The following USP9Y variants were observed in gnomAD, a reference collection of about 807,000 sequenced individuals.
The protein encoded by USP9Y is ubiquitin specific peptidase 9 Y-linked.
Under a neutral mutation model 53.1 loss-of-function variants are expected in USP9Y, and 41 were observed. That is an observed-to-expected ratio of 0.77 (90% CI 0.60 to 1.00). The LOEUF is 1.00. Ranked by LOEUF, USP9Y falls within the 50% of genes least tolerant of loss-of-function variation. The pLI, the probability that USP9Y is intolerant of heterozygous loss-of-function variation, is 0.00. For synonymous variants in USP9Y, 220 were observed against 173.7 expected (o/e 1.27, Z -2.09); for missense variants, 567 against 535.8 (o/e 1.06, Z -0.58).
intron 27 of USP9Y, among the ~76,000 whole-genome samples, chrY:12,796,007 A>G (rs2053512465): frequency 3.0e-5 from 1 of 33,629 alleles, no homozygotes; most frequent in Non-Finnish European, 7.4e-5. Context: ...AGTTTTTCAT[A>G]TACGGCCTTT....
intron 12 of USP9Y, among the ~76,000 whole-genome samples, chrY:12,743,168 A>T (rs2053458013): frequency 3.4e-5 from 1 of 29,781 alleles, no homozygotes; most frequent in East Asian, 8.6e-4. Flanking sequence ...GTATTTTGGA[A>T]TTTTTTTTTT....
chrY:12,801,500 A>G, intron 27 of USP9Y, among the ~76,000 whole-genome samples: 1 of 34,031 alleles, frequency 2.9e-5, no homozygotes, highest in Non-Finnish European at 7.3e-5. Flanking sequence ...TCATAAAGAC[A>G]AAGGCAGTAT....
At position 12,709,556 on chromosome Y, in the gene USP9Y, C is replaced by T. The variant is rs1569386799; in HGVS notation, c.96+13C>T. ...CCAACAGAACCAGGTAGGAGTAAGA[C>T]TGTGTTGTTTTGAGTACTGTGAAAT... On this transcript the variant is annotated intron_variant, in intron 3 of 45. Transcript: ENST00000338981. The T allele has an allele frequency of 5.4e-6, 2 of 373,517 alleles. No homozygotes were observed. The highest frequency in any genetic ancestry group is 9.3e-5 in the East Asian group (1 of 10,724). 93.2% of individuals were successfully genotyped at this position (373,517 alleles called of 400,897 possible).
chrY:12,725,143 G>T lies in USP9Y; in HGVS notation c.356G>T (p.Arg119Leu). 2 of 396,708 alleles carry T rather than the reference G, an allele frequency of 5.0e-6. No homozygotes were observed. Among genetic ancestry groups the T allele is most frequent in the Non-Finnish European group, 7.1e-6 (2 of 282,344 alleles). The change falls in exon 6 of 46, where the codon CGT becomes CTT. Residue 119 changes from arginine to leucine, a missense_variant. Arg to Leu is a moderately radical substitution (Grantham distance 102). Transcript: ENST00000338981. ...GLDVKSEACQ[R>L]FFRDGLTISF... is the part of the protein sequence containing the mutation. Reference sequence around the variant, plus strand: ...GATGTTAAAAGTGAAGCATGCCAACGTTTTTTTCGAGATGGACTAACAATA... The same window carrying T: ...GATGTTAAAAGTGAAGCATGCCAACTTTTTTTTCGAGATGGACTAACAATA...
At chrY:12,852,074 G>T (rs2053571602) in intron 42 of USP9Y, among the ~76,000 whole-genome samples, 1 of 32,922 alleles carries the variant, frequency 3.0e-5, no homozygotes, top group African/African-American at 1.2e-4. Flanking sequence ...GGACTTGCTC[G>T]GTTGGCAAAG....
In USP9Y at chrY:12,833,658, A is replaced by T. The variant is rs761335858; in HGVS notation, c.5022-30A>T. On this transcript the variant is annotated intron_variant, in intron 33 of 45. Coordinates refer to ENST00000338981, the MANE Select transcript of USP9Y (RefSeq NM_004654.4). ...TATGGATATTCTAGGCATGTATTAC[A>T]TAACTCATTTTGTTTCCTTTCCTTC... The T allele has an allele frequency of 9.6e-5, 37 of 384,177 alleles. No individual in the cohort carries two copies. The Admixed American group carries it at 2.8e-3, about 29-fold the overall frequency.
intron 27 of USP9Y, 145 bp downstream of exon 27, chrY:12,793,346 A>AT: frequency 6.4e-6 from 1 of 156,155 alleles, no homozygotes; most frequent in South Asian, 5.6e-5. Context: ...GTGTAGAAGC[A>AT]TTTTTTTAAA....
At chrY:12,738,583 C>A in intron 11 of USP9Y, among the ~76,000 whole-genome samples, 2 of 32,122 alleles carry the variant, frequency 6.2e-5, no homozygotes, top group East Asian at 1.6e-3. Flanking sequence ...GCTCTCCCTC[C>A]CAGACTCGGG....
intron 42 of USP9Y, among the ~76,000 whole-genome samples, chrY:12,851,414 G>A (rs2148293099): frequency 3.4e-5 from 1 of 29,456 alleles, no homozygotes; most frequent in African/African-American, 1.3e-4. Context: ...GTGTGTCTTT[G>A]CACATGAGAT....
At chrY:12,783,937 T>G in intron 22 of USP9Y, among the ~76,000 whole-genome samples, 3 of 33,722 alleles carry the variant, frequency 8.9e-5, no homozygotes, top group Non-Finnish European at 2.2e-4. Flanking sequence ...TACCAATTAT[T>G]TATCTTCTCT....
intron 15 of USP9Y, among the ~76,000 whole-genome samples, chrY:12,763,661 T>TG (rs2053477566): frequency 8.2e-5 from 2 of 24,495 alleles, no homozygotes; most frequent in Non-Finnish European, 9.3e-5. Context: ...ATTTTCTTTG[T>TG]GTTTTTTTTT....
chrY:12,727,713 TCA>T (rs1477283909), intron 7 of USP9Y, among the ~76,000 whole-genome samples: 3 of 30,710 alleles, frequency 9.8e-5, no homozygotes, highest in East Asian at 8.5e-4. Context: ...GTGCGTGTGC[TCA>T]CACACACACA....
At chrY:12,776,583 A>G in intron 18 of USP9Y, 66 bp from the exon 19 acceptor site, 1 of 246,999 alleles carries the variant, frequency 4.0e-6, no homozygotes, top group East Asian at 9.8e-5. Context: ...ACTGCTTTTT[A>G]TTAGATTGAT....
Position 12,856,798 on chromosome Y carries a change from A to G in USP9Y, c.7387A>G (p.Ser2463Gly), listed in dbSNP as rs1314223703. The G allele has an allele frequency of 2.5e-6, 1 of 396,989 alleles. No individual in the cohort carries two copies. Among genetic ancestry groups the G allele is most frequent in the Non-Finnish European group, 3.5e-6 (1 of 282,683 alleles). ...ANGYFLERSH[S>G]ARMTLAKACE... ...TGGTTATTTCTTAGAAAGATCACAT[A>G]GTGCTAGGATGACACTTGCAAAAGC... Residue 2463 changes from serine (S) to glycine (G), a missense_variant, in exon 44 of 46, where the codon AGT becomes GGT. Physicochemically the swap from Ser to Gly is moderately conservative, Grantham distance 56. Transcript: ENST00000338981.
chrY:12,722,395 T>C (rs2053436764), intron 5 of USP9Y, among the ~76,000 whole-genome samples: 1 of 31,944 alleles, frequency 3.1e-5, no homozygotes, highest in African/African-American at 1.2e-4. Flanking sequence ...TATATATATA[T>C]ACACACACAC....
chrY:12,743,533 G>A (rs2053458299), intron 12 of USP9Y, among the ~76,000 whole-genome samples: 1 of 33,552 alleles, frequency 3.0e-5, no homozygotes, highest in Non-Finnish European at 7.4e-5. Flanking sequence ...AAAGTGCTGG[G>A]ATTACAGGTG....
intron 7 of USP9Y, among the ~76,000 whole-genome samples, chrY:12,732,759 T>A: frequency 3.0e-5 from 1 of 32,827 alleles, no homozygotes; most frequent in African/African-American, 1.2e-4. Context: ...AGTGCTGGGA[T>A]GATAGGATTG....
intron 5 of USP9Y, among the ~76,000 whole-genome samples, chrY:12,723,817 A>G (rs2053438805): frequency 3.0e-5 from 1 of 33,284 alleles, no homozygotes; most frequent in Non-Finnish European, 7.4e-5. Flanking sequence ...GGTATCCTGT[A>G]AAGTGTTTCT....
At chrY:12,818,321 C>T in intron 32 of USP9Y, 99 bp from the exon 33 acceptor site, 1 of 216,544 alleles carries the variant, frequency 4.6e-6, no homozygotes, top group Middle Eastern at 1.0e-3. Flanking sequence ...TAAAAAAGTG[C>T]ATAACATTTC....
Sources: allele counts gnomAD v4.1 joint callset (sites outside exome capture counted in the v4.1 genomes callset), GRCh38; gene constraint gnomAD v4.1.1; transcripts MANE v1.5; gene names NCBI Gene and HGNC (gene_info 2026-07-23, HGNC 2026-07-21).